The following ERCC6 variants were observed in gnomAD, a reference collection of about 807,000 sequenced individuals.
The protein encoded by ERCC6 is ERCC excision repair 6, chromatin remodeling factor, also known as DNA excision repair protein ERCC-6.
Under a neutral mutation model 158.7 loss-of-function variants are expected in ERCC6, and 116 were observed. That is an observed-to-expected ratio of 0.73 (90% CI 0.63 to 0.85). The LOEUF (loss-of-function observed/expected upper bound fraction) is 0.85. Ranked by LOEUF, ERCC6 falls within the 40% of genes least tolerant of loss-of-function variation. The pLI, the probability that ERCC6 is intolerant of heterozygous loss-of-function variation, is 0.00. For missense variants in ERCC6, 1,698 were observed against 1,799.4 expected (o/e 0.94, Z 1.02); for synonymous variants, 678 against 659.3 (o/e 1.03, Z -0.43).
chr10:49,476,204 T>G lies in ERCC6; in HGVS notation c.2382+11A>C. On this transcript the variant is annotated intron_variant, in intron 12 of 20. Coordinates refer to ENST00000355832, the MANE Select transcript of ERCC6 (RefSeq NM_000124.4). ...ACAATTCATTTCTCCAGCTTCTATT[T>G]TTTAGCTGACCTGCATCTCTCCATT... is the stretch of plus-strand genomic sequence containing the variant. 1 of 1,593,184 alleles carries G rather than the reference T, an allele frequency of 6.3e-7. No homozygotes were observed. The highest frequency in any genetic ancestry group is 1.7e-5 in the Admixed American group (1 of 60,006).
intron 12 of ERCC6, among the ~76,000 whole-genome samples, chr10:49,475,742 CCAGAT>C (rs1850865762): frequency 6.6e-6 from 1 of 152,088 alleles, no homozygotes; most frequent in Non-Finnish European, 1.5e-5. Flanking sequence ...GACATTTGAA[CCAGAT>C]TTATATCTGG....
At chr10:49,475,872 T>C (rs538130190) in intron 12 of ERCC6, among the ~76,000 whole-genome samples, 4 of 152,320 alleles carry the variant, frequency 2.6e-5, no homozygotes, top group Non-Finnish European at 4.4e-5. Flanking sequence ...ATTCTGGTCA[T>C]AATATCTGGG....
chr10:49,459,321 G>T, intron 20 of ERCC6, 87 bp from the exon 21 acceptor site: 1 of 1,422,152 alleles, frequency 7.0e-7, no homozygotes, highest in Non-Finnish European at 9.8e-7. Context: ...AGGGTCACAA[G>T]ACAACACATG....
At position 49,458,582 on chromosome 10, in the gene ERCC6, C is replaced by T; in HGVS notation, c.*233G>A. 2.3e-6 allele frequency: 1 copy of T among 439,474 alleles called. No individual in the cohort carries two copies. Among genetic ancestry groups the T allele is most frequent in the Non-Finnish European group, 4.0e-6 (1 of 248,498 alleles). The allele number at this position is 439,474 out of a possible 1,614,324, so 27.2% of individuals were successfully genotyped here. On this transcript the variant is annotated 3_prime_UTR_variant, in exon 21 of 21. Coordinates refer to ENST00000355832, the MANE Select transcript of ERCC6 (RefSeq NM_000124.4). Reference sequence around the variant, plus strand: ...CTGATTTACAATATAATTAGATTGCCAAAAAAAAAAAAATCAATCCAAGTA... The same window carrying T: ...CTGATTTACAATATAATTAGATTGCTAAAAAAAAAAAAATCAATCCAAGTA...
chr10:49,504,615 T>C (rs1433497212), intron 6 of ERCC6: 1 of 152,178 alleles, frequency 6.6e-6, no homozygotes, highest in African/African-American at 2.4e-5. Context: ...ACACTGATGG[T>C]ATTTGGCTTG....
At chr10:49,490,441 G>A (rs1851153795) in intron 8 of ERCC6, among the ~76,000 whole-genome samples, 1 of 146,660 alleles carries the variant, frequency 6.8e-6, no homozygotes, top group Non-Finnish European at 1.5e-5. Flanking sequence ...TGCAACCTCC[G>A]CCTCTAGGGT....
chr10:49,523,497 A>G (rs1308552252), intron 5 of ERCC6, among the ~76,000 whole-genome samples: 14 of 152,242 alleles, frequency 9.2e-5, no homozygotes, highest in Non-Finnish European at 2.9e-5. Context: ...CACTTTTTGC[A>G]TGATGGTGGC....
intron 5 of ERCC6, chr10:49,516,617 A>T (rs1156578522): frequency 6.2e-7 from 1 of 1,614,226 alleles, no homozygotes; most frequent in Non-Finnish European, 8.5e-7. Context: ...CTTTACTGCA[A>T]GCATATAAGT....
At chr10:49,473,141 G>A (rs1850811452) in intron 14 of ERCC6, 113 bp from the exon 15 acceptor site, 6 of 1,406,554 alleles carry the variant, frequency 4.3e-6, no homozygotes, top group African/African-American at 2.8e-5. Context: ...CCAATATAAG[G>A]AATGGTAATG....
intron 20 of ERCC6, 21 bp from the exon 21 acceptor site, chr10:49,459,255 T>A: frequency 1.2e-6 from 2 of 1,611,922 alleles, no homozygotes; most frequent in Non-Finnish European, 1.7e-6. Flanking sequence ...AAGACCACTA[T>A]ACTGATATAT....
chr10:49,459,269 A>C, intron 20 of ERCC6, 35 bp from the exon 21 acceptor site: 7 of 1,607,602 alleles, frequency 4.4e-6, no homozygotes, highest in Non-Finnish European at 5.9e-6. Flanking sequence ...GATATATTTA[A>C]TTTCTAGTTT....
intron 1 of ERCC6, among the ~76,000 whole-genome samples, chr10:49,538,523 G>C (rs575920705): frequency 6.6e-6 from 1 of 152,292 alleles, no homozygotes; most frequent in East Asian, 1.9e-4. Context: ...TGGAAGTCAC[G>C]TAACAGCAGC....
the ERCC6 span, among the ~76,000 whole-genome samples, chr10:49,439,374 C>T: frequency 1.3e-5 from 2 of 152,238 alleles, no homozygotes; most frequent in Non-Finnish European, 2.9e-5. Flanking sequence ...AAGCCATGGC[C>T]TGAGCTCTAT....
At chr10:49,515,116 C>T (rs1399041415) in intron 5 of ERCC6, 2 of 1,089,090 alleles carry the variant, frequency 1.8e-6, no homozygotes, top group African/African-American at 1.6e-5. Flanking sequence ...CATCTTTAAC[C>T]CATTTATGTC....
the ERCC6 span, among the ~76,000 whole-genome samples, chr10:49,446,470 T>G: frequency 6.6e-6 from 1 of 152,128 alleles, no homozygotes; most frequent in Admixed American, 6.5e-5. Context: ...AAATAAACAT[T>G]ATGATTATAA....
intron 5 of ERCC6, among the ~76,000 whole-genome samples, chr10:49,512,081 T>C (rs1184484887): frequency 6.6e-6 from 1 of 152,128 alleles, no homozygotes; most frequent in African/African-American, 2.4e-5. Flanking sequence ...TAATTGCAGG[T>C]TAAATGTGAA....
intron 7 of ERCC6, among the ~76,000 whole-genome samples, chr10:49,496,305 G>A (rs1851264920): frequency 6.6e-6 from 1 of 152,170 alleles, no homozygotes; most frequent in South Asian, 2.1e-4. Flanking sequence ...CCTAAACTCT[G>A]TGAGAGCAGA....
At position 49,459,217 on chromosome 10, in the gene ERCC6, C is replaced by T; in HGVS notation, c.4080G>A (p.Lys1360=). 6.2e-7 allele frequency: 1 copy of T among 1,614,118 alleles called. No individual in the cohort carries two copies. Residue 1360 remains lysine (K), a synonymous_variant, in exon 21 of 21, where the codon AAG becomes AAA. Transcript: ENST00000355832. ...TEKCQDGIMK[K]EGKDNVPEHF... ...GCTCAGGGACATTATCTTTTCCCTC[C>T]TTTTTCATGATGCCATCCTATAAAA...
rs982029098 is a variant in ERCC6 at position 49,455,196 on chromosome 10, C to T, written c.*3619G>A. Among the ~76,000 whole-genome samples, 1 of 151,864 alleles carries T rather than the reference C, an allele frequency of 6.6e-6. No individual in the cohort carries two copies. Among genetic ancestry groups the T allele is most frequent in the Non-Finnish European group, 1.5e-5 (1 of 67,988 alleles). ...AATCTATAAAACACCTAGGAATAAGCCTATTATGAAATGTGCAAGACATTT... is the reference window on the plus strand; with the variant it reads ...AATCTATAAAACACCTAGGAATAAGTCTATTATGAAATGTGCAAGACATTT... On this transcript the variant is annotated 3_prime_UTR_variant, in exon 21 of 21. Transcript: ENST00000355832.
Sources: allele counts gnomAD v4.1 joint callset (sites outside exome capture counted in the v4.1 genomes callset), GRCh38; gene constraint gnomAD v4.1.1; transcripts MANE v1.5; gene names NCBI Gene and HGNC (gene_info 2026-07-23, HGNC 2026-07-21).